Variants in TNIK observed in about 807,000 individuals in gnomAD.
TNIK encodes TRAF2 and NCK interacting kinase.
In TNIK, 49 loss-of-function variants were observed where a neutral mutation model predicts 191.3. The ratio of observed to expected loss-of-function variants is 0.26; its 90% CI spans 0.20 to 0.32. TNIK has a LOEUF of 0.32. TNIK is among the 10% of genes least tolerant of loss of function. The probability of loss-of-function intolerance (pLI) is 1.00; values close to 1 mark genes in which losing one functional copy is unlikely to be tolerated. For missense variants in TNIK, 1,155 were observed against 1,702.3 expected (o/e 0.68, Z 5.66); for synonymous variants, 594 against 600.9 (o/e 0.99, Z 0.17).
chr3:171,251,694 CA>C (rs1746242696), intron 2 of TNIK, among the ~76,000 whole-genome samples: 1 of 152,118 alleles, frequency 6.6e-6, no homozygotes, highest in African/African-American at 2.4e-5. Flanking sequence ...GCAAAACTAG[CA>C]AAACTTGTAC....
At chr3:171,087,307 C>T (rs760104910) in intron 24 of TNIK, 35 bp downstream of exon 24, 2 of 1,611,772 alleles carry the variant, frequency 1.2e-6, no homozygotes, top group African/African-American at 1.3e-5. Flanking sequence ...GGAAGGACAG[C>T]AGAACTGTCA....
intron 3 of TNIK, among the ~76,000 whole-genome samples, chr3:171,218,804 TTAAA>T (rs199735752): frequency 0.047 from 6,726 of 142,834 alleles, 347 homozygotes; most frequent in East Asian, 0.27. Context: ...ATATTATATA[TTAAA>T]TACATATTTT....
intron 2 of TNIK, among the ~76,000 whole-genome samples, chr3:171,340,739 G>T (rs1042927814): frequency 6.6e-6 from 1 of 152,118 alleles, no homozygotes; most frequent in Admixed American, 6.5e-5. Flanking sequence ...GAAGTGTACC[G>T]AATTGATTTC....
At chr3:171,368,596 G>A (rs1462773314) in intron 2 of TNIK, among the ~76,000 whole-genome samples, 3 of 152,108 alleles carry the variant, frequency 2.0e-5, no homozygotes, top group Non-Finnish European at 2.9e-5. Flanking sequence ...GAAACCTCTC[G>A]TAAATAAACA....
intron 2 of TNIK, among the ~76,000 whole-genome samples, chr3:171,271,539 T>C (rs1749103744): frequency 6.6e-6 from 1 of 152,250 alleles, no homozygotes; most frequent in South Asian, 2.1e-4. Context: ...TTCTTCAAGA[T>C]TAAAACCAAA....
chr3:171,450,633 C>A (rs1407456789), intron 1 of TNIK, among the ~76,000 whole-genome samples: 1 of 152,108 alleles, frequency 6.6e-6, no homozygotes, highest in African/African-American at 2.4e-5. Flanking sequence ...AAACACAATC[C>A]CCCTTTACTT....
intron 23 of TNIK, 24 bp from the exon 24 acceptor site, chr3:171,087,530 G>T (rs1023752719): frequency 1.2e-6 from 2 of 1,608,652 alleles, no homozygotes; most frequent in Non-Finnish European, 8.5e-7. Context: ...GCACGTGGGA[G>T]GAGTTAGAGA....
intron 3 of TNIK, among the ~76,000 whole-genome samples, chr3:171,218,095 C>T (rs1577150788): frequency 6.6e-6 from 1 of 152,126 alleles, no homozygotes; most frequent in East Asian, 1.9e-4. Context: ...TTACATCTCA[C>T]ACTAACTTTG....
chr3:171,094,298 C>T (rs2108420144), intron 22 of TNIK, among the ~76,000 whole-genome samples: 1 of 152,108 alleles, frequency 6.6e-6, no homozygotes, highest in South Asian at 2.1e-4. Flanking sequence ...CCACGCCCAG[C>T]TAATTTTTTT....
chr3:171,345,063 T>C lies in TNIK; in HGVS notation c.123+24557A>G, dbSNP rs1711946086. ...CTAGAGCACACAGTGACATCTATGG[T>C]CTCAACTGATGTGAATCAACCCTCT... is the stretch of plus-strand genomic sequence containing the variant. On this transcript the variant is annotated intron_variant, in intron 2 of 32. Transcript: ENST00000436636. Among the ~76,000 whole-genome samples, 5 of 152,298 alleles carry C rather than the reference T, an allele frequency of 3.3e-5. No individual in the cohort carries two copies. The South Asian group carries it at 1.0e-3, about 32-fold the overall frequency.
intron 18 of TNIK, among the ~76,000 whole-genome samples, chr3:171,114,662 CAT>C (rs1410614783): frequency 2.0e-5 from 3 of 152,130 alleles, no homozygotes; most frequent in Middle Eastern, 3.2e-3. Flanking sequence ...AGACCCTAAT[CAT>C]ATTATCTTTG....
chr3:171,079,639 C>T lies in TNIK; in HGVS notation c.3327G>A (p.Lys1109=). ...VLVTISGKKN[K]LRVYYLSWLR... Reference sequence around the variant, plus strand: ...ACCATGAAAGATAGTAAACTCGTAGCTTATTCTTCTTTCCTGTTGAAATAA... The same window carrying T: ...ACCATGAAAGATAGTAAACTCGTAGTTTATTCTTCTTTCCTGTTGAAATAA... Residue 1109 remains lysine, a synonymous_variant, in exon 28 of 33, where the codon AAG becomes AAA. Coordinates refer to ENST00000436636, the MANE Select transcript of TNIK (RefSeq NM_015028.4). 6.2e-7 allele frequency: 1 copy of T among 1,609,878 alleles called. No individual in the cohort carries two copies.
intron 1 of TNIK, among the ~76,000 whole-genome samples, chr3:171,434,111 T>A (rs1021015966): frequency 1.1e-4 from 17 of 151,838 alleles, no homozygotes; most frequent in African/African-American, 3.9e-4. Flanking sequence ...TTATTTTGTA[T>A]TTTTAGTAGA....
At chr3:171,205,186 T>A (rs1376319564) in intron 4 of TNIK, among the ~76,000 whole-genome samples, 4 of 152,206 alleles carry the variant, frequency 2.6e-5, no homozygotes, top group African/African-American at 9.6e-5. Flanking sequence ...AATATTGTAA[T>A]CTGATATTAA....
intron 1 of TNIK, among the ~76,000 whole-genome samples, chr3:171,443,013 A>G (rs1449526808): frequency 2.0e-5 from 3 of 152,204 alleles, no homozygotes; most frequent in South Asian, 2.1e-4. Flanking sequence ...TGTCTGTGCA[A>G]TGTTCTTTCC....
At chr3:171,438,807 GC>G in intron 1 of TNIK, among the ~76,000 whole-genome samples, 1 of 152,134 alleles carries the variant, frequency 6.6e-6, no homozygotes, top group Non-Finnish European at 1.5e-5. Context: ...TGGGTTTCCA[GC>G]CCTGTCCAAC....
At chr3:171,353,673 T>A (rs67861307) in intron 2 of TNIK, among the ~76,000 whole-genome samples, 39,756 of 152,068 alleles carry the variant, frequency 0.26, 5,856 homozygotes, top group Admixed American at 0.36. Flanking sequence ...TCTTAAACTA[T>A]CAAGAGTTCT....
intron 1 of TNIK, among the ~76,000 whole-genome samples, chr3:171,394,769 T>C (rs765705861): frequency 2.2e-4 from 33 of 152,242 alleles, no homozygotes; most frequent in Non-Finnish European, 4.1e-4. Context: ...TATAATTTTG[T>C]TATTTGTGCT....
At chr3:171,304,006 C>T (rs755774015) in intron 2 of TNIK, among the ~76,000 whole-genome samples, 2 of 85,032 alleles carry the variant, frequency 2.4e-5, no homozygotes, top group African/African-American at 9.4e-5. Flanking sequence ...GAAGAAGGCC[C>T]GGGGGAGGAA....
Sources: allele counts gnomAD v4.1 joint callset (sites outside exome capture counted in the v4.1 genomes callset), GRCh38; gene constraint gnomAD v4.1.1; transcripts MANE v1.5; gene names NCBI Gene and HGNC (gene_info 2026-07-23, HGNC 2026-07-21).